The following SLC39A11 variants were observed in gnomAD, a reference collection of about 807,000 sequenced individuals.
The protein encoded by SLC39A11 is solute carrier family 39 member 11.
SLC39A11 carries 33 observed loss-of-function variants against 36.1 expected under a neutral mutation model. That is an observed-to-expected ratio of 0.91 (90% CI 0.69 to 1.22). SLC39A11 has a LOEUF of 1.22. Ranked by LOEUF, SLC39A11 falls within the 50% of genes most tolerant of loss-of-function variation. The pLI, the probability that SLC39A11 is intolerant of heterozygous loss-of-function variation, is 0.00. For synonymous variants in SLC39A11, 166 were observed against 170.3 expected (o/e 0.97, Z 0.20); for missense variants, 432 against 430.3 (o/e 1.00, Z -0.03).
At chr17:73,012,359 A>C (rs2090570206) in intron 4 of SLC39A11, among the ~76,000 whole-genome samples, 1 of 152,194 alleles carries the variant, frequency 6.6e-6, no homozygotes, top group Non-Finnish European at 1.5e-5. Flanking sequence ...CCCATTTTCC[A>C]TGATGTGATC....
At chr17:72,723,165 C>T (rs189130808) in intron 7 of SLC39A11, among the ~76,000 whole-genome samples, 157 of 152,284 alleles carry the variant, frequency 1.0e-3, no homozygotes, top group Non-Finnish European at 1.9e-3. Flanking sequence ...GAGGCACATA[C>T]AGTAAGGGCC....
At position 73,057,663 on chromosome 17, in the gene SLC39A11, C is replaced by T. The variant is rs569931069; in HGVS notation, c.148-25949G>A. Among the ~76,000 whole-genome samples the T allele has an allele frequency of 2.6e-5, 4 of 152,266 alleles. No individual in the cohort carries two copies. In the East Asian group the frequency reaches 7.7e-4, roughly 29 times the overall value. On this transcript the variant is annotated intron_variant, in intron 3 of 9. Transcript: ENST00000255559. Reference sequence around the variant, plus strand: ...TTAGAAAATGCAGGCTGAGGCCAGGCGCGGTGGCTCACGCCTGTAATCCTA... The same window carrying T: ...TTAGAAAATGCAGGCTGAGGCCAGGTGCGGTGGCTCACGCCTGTAATCCTA...
intron 3 of SLC39A11, among the ~76,000 whole-genome samples, chr17:73,042,276 T>C (rs1458150732): frequency 3.9e-5 from 6 of 152,178 alleles, no homozygotes; most frequent in Non-Finnish European, 8.8e-5. Flanking sequence ...TTATTGCACA[T>C]AGCTCACTTA....
chr17:72,754,450 T>A (rs2713966), intron 6 of SLC39A11, among the ~76,000 whole-genome samples: 87,058 of 151,608 alleles, frequency 0.57, 25,363 homozygotes, highest in South Asian at 0.73. Flanking sequence ...GGAATTTTTT[T>A]AAAAAATTAA....
chr17:72,924,309 T>C (rs2083902034), intron 5 of SLC39A11, among the ~76,000 whole-genome samples: 1 of 151,804 alleles, frequency 6.6e-6, no homozygotes, highest in Non-Finnish European at 1.5e-5. Flanking sequence ...TTGAGCAAAA[T>C]TGCTACAGGA....
At chr17:72,970,202 A>G (rs146322088) in intron 4 of SLC39A11, among the ~76,000 whole-genome samples, 76 of 152,360 alleles carry the variant, frequency 5.0e-4, no homozygotes, top group African/African-American at 1.8e-3. Flanking sequence ...TAGAGAAAAG[A>G]TATCAGCAGA....
At chr17:72,973,002 C>T (rs1568048208) in intron 4 of SLC39A11, among the ~76,000 whole-genome samples, 1 of 151,830 alleles carries the variant, frequency 6.6e-6, no homozygotes, top group Non-Finnish European at 1.5e-5. Flanking sequence ...AACCGAGCTC[C>T]TGGACAGCGA....
At chr17:72,901,767 ACTG>A (rs1318631443) in intron 5 of SLC39A11, among the ~76,000 whole-genome samples, 1 of 152,052 alleles carries the variant, frequency 6.6e-6, no homozygotes, top group Admixed American at 6.5e-5. Context: ...GCTCTTCAAC[ACTG>A]CTAAGACTCT....
chr17:73,087,300 G>A lies in SLC39A11; in HGVS notation c.108+1357C>T, dbSNP rs141776688. ...GGGGGCAGTGCAGCGCAGCAAGGGAGGTCGGGATTTTATTGTTGAAATCAA... is the reference window on the plus strand; with the variant it reads ...GGGGGCAGTGCAGCGCAGCAAGGGAAGTCGGGATTTTATTGTTGAAATCAA... On this transcript the variant is annotated intron_variant, in intron 2 of 9. Transcript: ENST00000255559. Among the ~76,000 whole-genome samples the A allele has an allele frequency of 6.2e-3, 945 of 152,234 alleles. 10 individuals carry two copies. The highest frequency in any genetic ancestry group is 0.022 in the African/African-American group (900 of 41,516).
rs111652559 is a variant in SLC39A11 at position 72,709,633 on chromosome 17, C to T, written c.671+27017G>A. Among the ~76,000 whole-genome samples, 15 of 152,268 alleles carry T rather than the reference C, an allele frequency of 9.9e-5. 1 individual carries two copies. The highest frequency in any genetic ancestry group is 3.4e-3 in the Middle Eastern group (1 of 294). ...GATGAAGGAAGTTTGTGTGTGTGCA[C>T]GTAAGTGTATGAGAGAGACAGGGAG... On this transcript the variant is annotated intron_variant, in intron 7 of 9. Coordinates refer to ENST00000255559, the MANE Select transcript of SLC39A11 (RefSeq NM_139177.4).
At chr17:72,663,044 G>A (rs562705908) in intron 7 of SLC39A11, among the ~76,000 whole-genome samples, 6 of 152,322 alleles carry the variant, frequency 3.9e-5, no homozygotes, top group Admixed American at 6.5e-5. Context: ...CTGGAGCCAC[G>A]TCACAGACAC....
At chr17:72,932,278 G>A (rs559851731) in intron 5 of SLC39A11, among the ~76,000 whole-genome samples, 7 of 128,200 alleles carry the variant, frequency 5.5e-5, no homozygotes, top group Non-Finnish European at 1.1e-4. Flanking sequence ...TCTACCTGAA[G>A]AATGACCTGT....
At chr17:72,928,275 T>C (rs985561200) in intron 5 of SLC39A11, among the ~76,000 whole-genome samples, 1 of 152,126 alleles carries the variant, frequency 6.6e-6, no homozygotes, top group Admixed American at 6.5e-5. Flanking sequence ...AGGAGAGCAG[T>C]TGGCTCCATG....
intron 4 of SLC39A11, among the ~76,000 whole-genome samples, chr17:72,972,214 C>T (rs1459577966): frequency 2.0e-5 from 3 of 152,178 alleles, no homozygotes; most frequent in African/African-American, 7.2e-5. Context: ...TTACCGCTTT[C>T]TCCCTTCCCC....
At chr17:73,029,227 C>A (rs1429239981) in intron 4 of SLC39A11, among the ~76,000 whole-genome samples, 1 of 152,024 alleles carries the variant, frequency 6.6e-6, no homozygotes, top group Non-Finnish European at 1.5e-5. Context: ...CATCTGATAC[C>A]GCCCCACCAC....
rs181039244 is a variant in SLC39A11, at chr17:72,906,171, G to A, written c.430+41581C>T. On this transcript the variant is annotated intron_variant, in intron 5 of 9. Transcript: ENST00000255559. ...TCAAAAGTTCCTACAAGTCACATGG[G>A]AGAGAGGGCAGATCCAAGGAGCTCC... is the stretch of plus-strand genomic sequence containing the variant. 9.2e-5 allele frequency among the ~76,000 whole-genome samples: 14 copies of A among 152,354 alleles called. No homozygotes were observed. The East Asian group carries it at 2.5e-3, about 27-fold the overall frequency.
rs572684045 is a variant in SLC39A11 at position 72,960,915 on chromosome 17, A to C, written c.307-13040T>G. Among the ~76,000 whole-genome samples, 269 of 152,378 alleles carry C rather than the reference A, an allele frequency of 1.8e-3. 3 individuals carry two copies. The South Asian group carries it at 0.021, about 12-fold the overall frequency. ...GCTTCTATTACCAATCCTGGAAAAG[A>C]GATCTTTATCTCAGCACTGCTGAGG... is the stretch of plus-strand genomic sequence containing the variant. On this transcript the variant is annotated intron_variant, in intron 4 of 9. Transcript: ENST00000255559.
intron 6 of SLC39A11, among the ~76,000 whole-genome samples, chr17:72,738,827 G>T (rs894307657): frequency 3.9e-5 from 6 of 152,136 alleles, no homozygotes; most frequent in African/African-American, 9.7e-5. Context: ...TTAGTACAGC[G>T]CATTTCTTTC....
intron 7 of SLC39A11, among the ~76,000 whole-genome samples, chr17:72,657,214 G>C (rs1052180781): frequency 5.9e-5 from 9 of 152,062 alleles, no homozygotes; most frequent in African/African-American, 2.2e-4. Flanking sequence ...ACAAAAATTA[G>C]CCAGGCATGG....
Sources: gnomAD v4.1 joint callset for allele counts (sites outside exome capture counted in the v4.1 genomes callset) on GRCh38, gnomAD v4.1.1 for gene constraint, MANE v1.5 for transcripts, NCBI Gene and HGNC (gene_info 2026-07-23, HGNC 2026-07-21) for gene names.